GUCY1A1: variants seen among roughly 807,000 people sequenced by gnomAD.
GUCY1A1 encodes guanylate cyclase 1 soluble subunit alpha 1.
A neutral mutation model predicts 64.5 loss-of-function variants in GUCY1A1; 48 were observed. The observed-to-expected ratio is 0.74, with a 90% CI of 0.59 to 0.95. The LOEUF (loss-of-function observed/expected upper bound fraction) is 0.95. Ranked by LOEUF, GUCY1A1 falls within the 40% of genes least tolerant of loss-of-function variation. The pLI is 0.00. For missense variants in GUCY1A1, 804 were observed against 825.3 expected, an observed-to-expected ratio of 0.97 and a Z score of 0.32; for synonymous variants, 308 against 303.4, an observed-to-expected ratio of 1.02 and a Z score of -0.16.
chr4:155,670,704 A>G (rs370712672), intron 2 of GUCY1A1, among the ~76,000 whole-genome samples: 1 of 152,196 alleles, frequency 6.6e-6, no homozygotes, highest in African/African-American at 2.4e-5. Flanking sequence ...AATGTGCCTC[A>G]CAGCCTGTAG....
intron 5 of GUCY1A1, among the ~76,000 whole-genome samples, chr4:155,708,810 G>A (rs141923649): frequency 7.4e-4 from 112 of 152,170 alleles, no homozygotes; most frequent in African/African-American, 2.5e-3. Context: ...AATGACTAAC[G>A]TATATTGAGG....
intron 2 of GUCY1A1, among the ~76,000 whole-genome samples, chr4:155,672,980 T>C (rs1261525659): frequency 1.3e-5 from 2 of 152,232 alleles, no homozygotes. Flanking sequence ...ATGGATATTG[T>C]TTTCTTAAGG....
rs767842041 is a variant in GUCY1A1, at chr4:155,713,310, G to T, written c.1299G>T (p.Lys433Asn). The T allele has an allele frequency of 6.2e-7, 1 of 1,614,180 alleles. No homozygotes were observed. The highest frequency in any genetic ancestry group is 1.1e-5 in the South Asian group (1 of 91,088). ...TGAAGAAGAGGCTGGGGAAGCTGAA[G>T]GCTACCCTTGAGCAAGCCCACCAAG... ...DGLKKRLGKL[K>N]ATLEQAHQAL... Residue 433 changes from lysine (K) to asparagine (N), a missense_variant, in exon 7 of 10, where the codon AAG becomes AAT. Physicochemically the swap from Lys to Asn is moderately conservative, Grantham distance 94. Coordinates refer to ENST00000506455, the MANE Select transcript of GUCY1A1 (RefSeq NM_001130682.3).
intron 2 of GUCY1A1, among the ~76,000 whole-genome samples, chr4:155,676,589 G>A (rs1734979573): frequency 6.6e-6 from 1 of 151,508 alleles, no homozygotes; most frequent in African/African-American, 2.5e-5. Context: ...ATTGGCCAGT[G>A]ATTGTAAGTC....
chr4:155,676,995 C>G (rs1735040161), intron 2 of GUCY1A1, among the ~76,000 whole-genome samples: 4 of 151,520 alleles, frequency 2.6e-5, no homozygotes, highest in Non-Finnish European at 4.4e-5. Context: ...CATGACATCA[C>G]ACTGAACTGA....
intron 5 of GUCY1A1, 141 bp downstream of exon 5, chr4:155,708,435 A>G (rs1328542210): frequency 9.3e-6 from 5 of 539,238 alleles, no homozygotes; most frequent in Non-Finnish European, 1.7e-5. Context: ...CGTAAAGAGT[A>G]ACTCTTTTTG....
chr4:155,723,151 CA>C (rs1402537979), intron 9 of GUCY1A1, among the ~76,000 whole-genome samples: 1 of 152,058 alleles, frequency 6.6e-6, no homozygotes, highest in Non-Finnish European at 1.5e-5. Context: ...TCCTATAACT[CA>C]AAAAATCCAA....
chr4:155,717,385 G>A, intron 8 of GUCY1A1, 83 bp downstream of exon 8: 1 of 1,027,964 alleles, frequency 9.7e-7, no homozygotes, highest in Non-Finnish European at 1.3e-6. Context: ...TGTATCAGTT[G>A]GGGGTTAGTT....
Position 155,730,430 on chromosome 4 carries a change from A to C in GUCY1A1, c.*199A>C. 4.5e-6 allele frequency: 2 copies of C among 448,490 alleles called. 1 individual carries two copies. Among genetic ancestry groups the C allele is most frequent in the Middle Eastern group, 1.2e-3 (2 of 1,714 alleles). The allele number at this position is 448,490 out of a possible 1,614,324, so 27.8% of individuals were successfully genotyped here. On this transcript the variant is annotated 3_prime_UTR_variant, in exon 10 of 10. Transcript: ENST00000506455. The stretch of plus-strand genomic sequence containing the variant: ...CTTCAGCTCTTCAAGAAAAAAAAAA[A>C]AAACCTTAAAAAGCTACTTTTGTGG...
chr4:155,722,300 T>C, intron 9 of GUCY1A1, 108 bp downstream of exon 9: 1 of 1,477,352 alleles, frequency 6.8e-7, no homozygotes, highest in Non-Finnish European at 9.0e-7. Flanking sequence ...TCCTTAGTCG[T>C]AAGGAAAAAA....
At chr4:155,726,588 T>C (rs1160433698) in intron 9 of GUCY1A1, among the ~76,000 whole-genome samples, 2 of 151,980 alleles carry the variant, frequency 1.3e-5, no homozygotes, top group Non-Finnish European at 2.9e-5. Flanking sequence ...TTCCATGATA[T>C]ATTTCTGAAA....
chr4:155,716,702 A>G (rs1188091653), intron 7 of GUCY1A1, among the ~76,000 whole-genome samples: 1 of 152,132 alleles, frequency 6.6e-6, no homozygotes, highest in South Asian at 2.1e-4. Flanking sequence ...ACATTGCACA[A>G]TTTTACTGCA....
chr4:155,676,593 G>GT (rs1180400497), intron 2 of GUCY1A1, among the ~76,000 whole-genome samples: 1 of 151,498 alleles, frequency 6.6e-6, no homozygotes, highest in Non-Finnish European at 1.5e-5. Flanking sequence ...GCCAGTGATT[G>GT]TAAGTCTCAA....
chr4:155,721,502 T>G (rs1733952571), intron 8 of GUCY1A1, among the ~76,000 whole-genome samples: 1 of 152,164 alleles, frequency 6.6e-6, no homozygotes, highest in Non-Finnish European at 1.5e-5. Flanking sequence ...GCTTAAATAT[T>G]ACAATTTCAT....
chr4:155,702,188 A>C (rs2126784064), intron 3 of GUCY1A1, among the ~76,000 whole-genome samples: 1 of 152,284 alleles, frequency 6.6e-6, no homozygotes, highest in African/African-American at 2.4e-5. Context: ...TTGGCGAGCA[A>C]ATGCTATGAA....
chr4:155,688,755 T>C (rs1445882750), intron 2 of GUCY1A1, among the ~76,000 whole-genome samples: 2 of 152,052 alleles, frequency 1.3e-5, no homozygotes, highest in South Asian at 2.1e-4. Context: ...AGTGAAATCA[T>C]TCAATGCTTA....
At chr4:155,709,876 T>C (rs1456677472) in intron 5 of GUCY1A1, among the ~76,000 whole-genome samples, 2 of 152,058 alleles carry the variant, frequency 1.3e-5, no homozygotes, top group Non-Finnish European at 1.5e-5. Context: ...TTCATGTAAC[T>C]CATGGCTTTT....
chr4:155,723,331 C>T (rs1347082045), intron 9 of GUCY1A1, among the ~76,000 whole-genome samples: 1 of 152,118 alleles, frequency 6.6e-6, no homozygotes, highest in Non-Finnish European at 1.5e-5. Flanking sequence ...AGCCACGTGT[C>T]ATCTAGCATC....
chr4:155,679,793 A>G (rs1294236954), intron 2 of GUCY1A1, among the ~76,000 whole-genome samples: 6 of 152,224 alleles, frequency 3.9e-5, no homozygotes, highest in Admixed American at 2.6e-4. Flanking sequence ...CTATTTCTAT[A>G]TGGATTTCCA....
Sources: gnomAD v4.1 joint callset for allele counts (sites outside exome capture counted in the v4.1 genomes callset) on GRCh38, gnomAD v4.1.1 for gene constraint, MANE v1.5 for transcripts, NCBI Gene and HGNC (gene_info 2026-07-23, HGNC 2026-07-21) for gene names.